Variants in RANGAP1 observed in about 807,000 individuals in gnomAD.
The protein encoded by RANGAP1 is ran GTPase-activating protein 1.
Under a neutral mutation model 63.5 loss-of-function variants are expected in RANGAP1, and 38 were observed. The observed-to-expected ratio is 0.60, with a 90% confidence interval of 0.46 to 0.78. The LOEUF (loss-of-function observed/expected upper bound fraction) is 0.78. Among genes scored for constraint, RANGAP1 ranks in the 30% least tolerant of loss-of-function variants. The pLI is 0.00. For missense variants in RANGAP1, 630 were observed against 740.3 expected (o/e 0.85, Z 1.73); for synonymous variants, 329 against 310.5 (o/e 1.06, Z -0.63).
upstream of RANGAP1, among the ~76,000 whole-genome samples, chr22:41,288,958 T>C (rs1335028447): frequency 1.4e-5 from 2 of 144,336 alleles, no homozygotes; most frequent in Non-Finnish European, 3.0e-5. Flanking sequence ...AGTTTCACTC[T>C]GTTGCTCAGG....
At chr22:41,283,464 G>A (rs767404570) in intron 1 of RANGAP1, among the ~76,000 whole-genome samples, 4 of 152,094 alleles carry the variant, frequency 2.6e-5, no homozygotes, top group Non-Finnish European at 4.4e-5. Context: ...AGCCAAGATC[G>A]CGCCATTGCA....
chr22:41,249,897 C>G (rs1420820029), intron 13 of RANGAP1, 80 bp from the exon 14 acceptor site: 2 of 1,277,596 alleles, frequency 1.6e-6, no homozygotes, highest in African/African-American at 2.9e-5. Flanking sequence ...CCCCCAACAC[C>G]GCGCAGACAC....
intron 3 of RANGAP1, among the ~76,000 whole-genome samples, chr22:41,270,095 A>G (rs1010711271): frequency 7.2e-5 from 11 of 152,078 alleles, no homozygotes; most frequent in African/African-American, 2.2e-4. Context: ...TCAGCCTCCA[A>G]AAGTGCTGGG....
At chr22:41,270,315 A>G (rs1036200905) in intron 3 of RANGAP1, among the ~76,000 whole-genome samples, 3 of 147,572 alleles carry the variant, frequency 2.0e-5, no homozygotes, top group Non-Finnish European at 1.5e-5. Context: ...TAATTTTTAT[A>G]TATTTTTTAA....
intron 6 of RANGAP1, among the ~76,000 whole-genome samples, chr22:41,260,505 G>A (rs5751072): frequency 0.33 from 50,571 of 152,180 alleles, 9,036 homozygotes; most frequent in Admixed American, 0.52. Flanking sequence ...ATTCCGGCCC[G>A]TATGAGCAAT....
chr22:41,254,251 C>T lies in RANGAP1; in HGVS notation c.1260+57G>A, dbSNP rs574617224. 468 of 1,601,918 alleles carry T rather than the reference C, an allele frequency of 2.9e-4. 3 individuals are homozygous for T. In the African/African-American group the frequency reaches 5.5e-3, roughly 19 times the overall value. On this transcript the variant is annotated intron_variant, in intron 11 of 15. Transcript: ENST00000356244. The stretch of plus-strand genomic sequence containing the variant: ...CCCCTACCCCATTGTGAAAGTGCCT[C>T]GGGATTTCACGTTCTCAGGACCAGG...
At chr22:41,250,309 T>G (rs2033353059) in intron 13 of RANGAP1, among the ~76,000 whole-genome samples, 1 of 152,224 alleles carries the variant, frequency 6.6e-6, no homozygotes, top group Non-Finnish European at 1.5e-5. Flanking sequence ...CATTTCCCAC[T>G]GAGCCGCCCT....
intron 6 of RANGAP1, among the ~76,000 whole-genome samples, chr22:41,259,159 C>T (rs2034017495): frequency 1.3e-5 from 2 of 152,140 alleles, no homozygotes; most frequent in South Asian, 4.1e-4. Context: ...TGCATCCCAT[C>T]GGCCCCTGAG....
In RANGAP1 at chr22:41,264,783, C is replaced by T. The variant is rs772216086; in HGVS notation, c.361G>A (p.Asp121Asn). The T allele has an allele frequency of 3.1e-6, 5 of 1,613,936 alleles. No homozygotes were observed. The highest frequency in any genetic ancestry group is 2.2e-5 in the East Asian group (1 of 44,876). Reference protein sequence around the residue: ...GAQLVELDLSDNAFGPDGVQG... With the variant: ...GAQLVELDLSNNAFGPDGVQG... ...ACACCGTCGGGCCCGAATGCGTTGT[C>T]GCTTAAGTCCAGCTCCACCAGCTGA... The change falls in exon 5 of 16, where the codon GAC (aspartate) becomes AAC (asparagine). Residue 121 changes from aspartate (D) to asparagine (N), a missense_variant. Physicochemically the swap from Asp to Asn is conservative, Grantham distance 23. Coordinates refer to ENST00000356244, the MANE Select transcript of RANGAP1 (RefSeq NM_002883.4).
upstream of RANGAP1, among the ~76,000 whole-genome samples, chr22:41,288,465 G>A (rs989259183): frequency 1.7e-4 from 26 of 152,282 alleles, no homozygotes; most frequent in East Asian, 1.9e-4. Flanking sequence ...TCGGGTTACC[G>A]GATGTTTGCT....
intron 2 of RANGAP1, among the ~76,000 whole-genome samples, chr22:41,275,440 C>T (rs1024265818): frequency 2.0e-4 from 30 of 151,156 alleles, no homozygotes; most frequent in African/African-American, 6.8e-4. Context: ...TGCAGTGAGC[C>T]GAGATCATGT....
At chr22:41,281,696 C>A in intron 1 of RANGAP1, 1 of 930,042 alleles carries the variant, frequency 1.1e-6, no homozygotes, top group Non-Finnish European at 1.3e-6. Flanking sequence ...CACATCACAA[C>A]AGCTACCATC....
At position 41,249,431 on chromosome 22, in the gene RANGAP1, G is replaced by A; in HGVS notation, c.1593C>T (p.Ala531=). 1.2e-6 allele frequency: 2 copies of A among 1,614,180 alleles called. No homozygotes were observed. Among genetic ancestry groups the A allele is most frequent in the Non-Finnish European group, 1.7e-6 (2 of 1,180,034 alleles). ...GLLKSEDKVK[A]IANLYGPLMA... ...TCAGGGGGCCGTACAGGTTGGCAAT[G>A]GCCTTGACCTTGTCTTCACTCTGAG... The change falls in exon 15 of 16, where the codon GCC becomes GCT. Residue 531 remains alanine, a synonymous_variant. Transcript: ENST00000356244.
the RANGAP1 span, among the ~76,000 whole-genome samples, chr22:41,300,967 T>A: frequency 6.6e-6 from 1 of 152,200 alleles, no homozygotes; most frequent in Non-Finnish European, 1.5e-5. Context: ...CAGTTGCCCA[T>A]GCTGATTTCT....
intron 2 of RANGAP1, among the ~76,000 whole-genome samples, chr22:41,278,038 GTTT>G (rs376152766): frequency 1.5e-5 from 2 of 132,196 alleles, no homozygotes; most frequent in African/African-American, 2.8e-5. Flanking sequence ...CCAAACTTGA[GTTT>G]TTTTTTTTTT....
chr22:41,274,794 T>C (rs928187518), intron 2 of RANGAP1, 67 bp from the exon 3 acceptor site: 37 of 1,594,814 alleles, frequency 2.3e-5, no homozygotes, highest in African/African-American at 5.4e-5. Context: ...AGGAGAGAGG[T>C]TGGCAACCAC....
At chr22:41,281,114 G>C in intron 1 of RANGAP1, 32 bp from the exon 2 acceptor site, 1 of 1,513,198 alleles carries the variant, frequency 6.6e-7, no homozygotes, top group South Asian at 1.3e-5. Flanking sequence ...TAAGAAAAAG[G>C]AGTCTCCTGG....
intron 1 of RANGAP1, among the ~76,000 whole-genome samples, chr22:41,283,742 G>GT (rs1402032416): frequency 6.6e-6 from 1 of 152,096 alleles, no homozygotes; most frequent in African/African-American, 2.4e-5. Context: ...AAAAAACAAG[G>GT]TAAGAGAAGA....
rs1379552973 is a variant in RANGAP1, at chr22:41,257,726, G to C, written c.774+222C>G. Among the ~76,000 whole-genome samples the C allele has an allele frequency of 6.6e-6, 1 of 152,248 alleles. No homozygotes were observed. Among genetic ancestry groups the C allele is most frequent in the Non-Finnish European group, 1.5e-5 (1 of 68,042 alleles). On this transcript the variant is annotated intron_variant, in intron 7 of 15. Coordinates refer to ENST00000356244, the MANE Select transcript of RANGAP1 (RefSeq NM_002883.4). The surrounding 1 kb of genome is among the most constrained non-coding windows in gnomAD (Gnocchi z 4.0). Reference sequence around the variant, plus strand: ...GGGCTGCAGAGGCGGCTCAGGAGAAGGTGGCATGAAGAATCAGAGCTGCCC... The same window carrying C: ...GGGCTGCAGAGGCGGCTCAGGAGAACGTGGCATGAAGAATCAGAGCTGCCC...
Sources: gnomAD v4.1 joint callset for allele counts (sites outside exome capture counted in the v4.1 genomes callset) on GRCh38, gnomAD v4.1.1 for gene constraint, Gnocchi (gnomAD v3.1) non-coding constraint, MANE v1.5 for transcripts, NCBI Gene and HGNC (gene_info 2026-07-23, HGNC 2026-07-21) for gene names.